Variants in CORO1A observed in about 807,000 individuals in gnomAD.
The protein encoded by CORO1A is coronin 1A.
CORO1A carries 17 observed loss-of-function variants against 44.1 expected under a neutral mutation model. The ratio of observed to expected loss-of-function variants is 0.39; its 90% confidence interval spans 0.26 to 0.58. CORO1A has a LOEUF of 0.58. Ranked by LOEUF, CORO1A falls within the 20% of genes least tolerant of loss-of-function variation. The pLI is 0.62. For missense variants in CORO1A, 415 were observed against 606.5 expected (o/e 0.68, Z 3.32); for synonymous variants, 271 against 244.2 (o/e 1.11, Z -1.02).
At position 30,186,930 on chromosome 16, in the gene CORO1A, G is replaced by A. The variant is rs957489816; in HGVS notation, c.436G>A (p.Val146Met). The A allele has an allele frequency of 9.3e-6, 15 of 1,612,640 alleles. No homozygotes were observed. Among genetic ancestry groups the A allele is most frequent in the East Asian group, 6.7e-5 (3 of 44,896 alleles). ...IVAWHTTAQN[V>M]LLSAGCDNVI... The stretch of plus-strand genomic sequence containing the variant: ...GGCCTGGCACACCACAGCCCAGAAC[G>A]TGCTGCTCAGTGCAGGTGCTGCGGG... Residue 146 changes from valine (V) to methionine (M), a missense_variant, in exon 4 of 11, where the codon GTG (valine) becomes ATG (methionine). Val to Met is a conservative substitution (Grantham distance 21). Coordinates refer to ENST00000219150, the MANE Select transcript of CORO1A (RefSeq NM_007074.4).
In CORO1A at chr16:30,184,579, G is replaced by A. The variant is rs560063164; in HGVS notation, c.-1-630G>A. ...CATGGGGGTGGAGATGGCTCTTAAG[G>A]GCACCTGCTTTTCTGAGCGGAGGCG... On this transcript the variant is annotated intron_variant, in intron 1 of 10. Coordinates refer to ENST00000219150, the MANE Select transcript of CORO1A (RefSeq NM_007074.4). This position sits in a 1 kb window ranked among gnomAD's most constrained non-coding sequence, Gnocchi z 4.3. 2 of 167,712 alleles carry A rather than the reference G, an allele frequency of 1.2e-5. No individual in the cohort carries two copies. Among genetic ancestry groups the A allele is most frequent in the African/African-American group, 4.8e-5 (2 of 41,562 alleles). The allele number at this position is 167,712 out of a possible 1,614,324, so 10.4% of individuals were successfully genotyped here. A position where few individuals can be genotyped will look rare whatever the true frequency, so the allele number is the denominator to read the frequency against.
In CORO1A at chr16:30,186,942, G is replaced by A; in HGVS notation, c.448G>A (p.Ala150Thr). 1.2e-6 allele frequency: 2 copies of A among 1,612,906 alleles called. No individual in the cohort carries two copies. Among genetic ancestry groups the A allele is most frequent in the Non-Finnish European group, 1.7e-6 (2 of 1,179,948 alleles). ...HTTAQNVLLS[A>T]GCDNVIMVWD... is the part of the protein sequence containing the mutation. ...CACAGCCCAGAACGTGCTGCTCAGT[G>A]CAGGTGCTGCGGGAGGAGGGGCTTG... The change falls in exon 4 of 11, where the codon GCA becomes ACA. Residue 150 changes from alanine to threonine, a missense_variant. By Grantham distance (58) the Ala-to-Thr change is moderately conservative (BLOSUM62 0). Coordinates refer to ENST00000219150, the MANE Select transcript of CORO1A (RefSeq NM_007074.4).
chr16:30,185,890 C>T (rs576736379), intron 2 of CORO1A: 8 of 216,192 alleles, frequency 3.7e-5, no homozygotes, highest in African/African-American at 9.2e-5. Context: ...CTGCCCCCTC[C>T]GCTGGCTGGC....
chr16:30,186,454 C>G, intron 2 of CORO1A, 144 bp from the exon 3 acceptor site: 2 of 957,986 alleles, frequency 2.1e-6, no homozygotes, highest in Non-Finnish European at 3.3e-6. Flanking sequence ...AGAAGAACAA[C>G]CCGCCCCCGT....
rs2073317096 is a variant in CORO1A at position 30,184,940 on chromosome 16, C to G, written c.-1-269C>G. On this transcript the variant is annotated intron_variant, in intron 1 of 10. Transcript: ENST00000219150. The surrounding 1 kb of genome is among the most constrained non-coding windows in gnomAD (Gnocchi z 4.3). ...AAACATGCAGTGGGGCAACACCACG[C>G]CAGGCTCTGTTGCAGAGGCTGAGGG... is the stretch of plus-strand genomic sequence containing the variant. 1.8e-6 allele frequency: 1 copy of G among 570,198 alleles called. No individual in the cohort carries two copies. Among genetic ancestry groups the G allele is most frequent in the Non-Finnish European group, 3.1e-6 (1 of 318,052 alleles). 35.3% of individuals were successfully genotyped at this position (570,198 alleles called of 1,614,324 possible).
chr16:30,188,467 C>G lies in CORO1A; in HGVS notation c.1172C>G (p.Ser391Cys). The change falls in exon 10 of 11, where the codon TCC becomes TGC. Residue 391 changes from serine to cysteine, a missense_variant. Around this residue, in one of 2 missense-constraint regions of CORO1A, gnomAD observed 90 missense variants for 84.7 expected, o/e 1.06. Transcript: ENST00000219150. Reference sequence around the variant, plus strand: ...CGGGATGCTGGGCCCCTCCTCATCTCCCTCAAGGATGGCTACGTACCCCCA... The same window carrying G: ...CGGGATGCTGGGCCCCTCCTCATCTGCCTCAAGGATGGCTACGTACCCCCA... The part of the protein sequence containing the change: ...GGRDAGPLLI[S>C]LKDGYVPPKS... 1 of 1,613,382 alleles carries G rather than the reference C, an allele frequency of 6.2e-7. No individual in the cohort carries two copies. Among genetic ancestry groups the G allele is most frequent in the Non-Finnish European group, 8.5e-7 (1 of 1,179,988 alleles).
At chr16:30,185,020 C>A in intron 1 of CORO1A, 189 bp from the exon 2 acceptor site, 1 of 655,686 alleles carries the variant, frequency 1.5e-6, no homozygotes, top group East Asian at 2.7e-5. Context: ...AGGGGGCTTG[C>A]AGGTTAGAGG....
Position 30,185,204 on chromosome 16 carries a change from C to T in CORO1A, c.-1-5C>T. 1.9e-6 allele frequency: 3 copies of T among 1,614,066 alleles called. No homozygotes were observed. Among genetic ancestry groups the T allele is most frequent in the Non-Finnish European group, 1.7e-6 (2 of 1,179,942 alleles). On this transcript the variant is annotated splice_polypyrimidine_tract_variant and splice_region_variant and intron_variant, in intron 1 of 10. Transcript: ENST00000219150. ...GAGAAATGCTCTTATGCTGTGTGCCCCCAGAATGAGCCGGCAGGTGGTCCG... is the reference window on the plus strand; with the variant it reads ...GAGAAATGCTCTTATGCTGTGTGCCTCCAGAATGAGCCGGCAGGTGGTCCG...
At position 30,187,479 on chromosome 16, in the gene CORO1A, G is replaced by A. The variant is rs1199044265; in HGVS notation, c.734G>A (p.Arg245Gln). 1.2e-6 allele frequency: 2 copies of A among 1,606,764 alleles called. No individual in the cohort carries two copies. The highest frequency in any genetic ancestry group is 1.7e-6 in the Non-Finnish European group (2 of 1,179,920). Residue 245 changes from arginine (R) to glutamine (Q), a missense_variant, in exon 6 of 11, where the codon CGG (arginine) becomes CAG (glutamine). Arg to Gln is a conservative substitution (Grantham distance 43). Around this residue, in one of 2 missense-constraint regions of CORO1A, gnomAD observed 325 missense variants for 521.7 expected, o/e 0.62. Transcript: ENST00000219150. The part of the protein sequence containing the change: ...LTTGFSRMSE[R>Q]QVALWDTKHL... ...ACGGGCTTCAGCCGCATGAGTGAGC[G>A]GCAGGTGGCGCTGTGGGACACAGTG...
chr16:30,186,956 A>C lies in CORO1A; in HGVS notation c.451+11A>C. ...TGCTGCTCAGTGCAGGTGCTGCGGG[A>C]GGAGGGGCTTGGGGGTGGCTCGTGG... On this transcript the variant is annotated intron_variant, in intron 4 of 10. Transcript: ENST00000219150. The C allele has an allele frequency of 6.2e-7, 1 of 1,612,798 alleles. No individual in the cohort carries two copies. Among genetic ancestry groups the C allele is most frequent in the Non-Finnish European group, 8.5e-7 (1 of 1,179,878 alleles).
At chr16:30,185,901 T>G in intron 2 of CORO1A, 1 of 216,338 alleles carries the variant, frequency 4.6e-6, no homozygotes, top group Non-Finnish European at 9.5e-6. Flanking sequence ...GCTGGCTGGC[T>G]GCTGCCCCGC....
chr16:30,185,023 G>A, intron 1 of CORO1A, 186 bp from the exon 2 acceptor site: 1 of 668,804 alleles, frequency 1.5e-6, no homozygotes, highest in Non-Finnish European at 2.7e-6. Flanking sequence ...GGGCTTGCAG[G>A]TTAGAGGGAA....
rs1488295958 is a variant in CORO1A, at chr16:30,186,871, C to T, written c.377C>T (p.Thr126Ile). 6.2e-7 allele frequency: 1 copy of T among 1,612,318 alleles called. No individual in the cohort carries two copies. The highest frequency in any genetic ancestry group is 8.5e-7 in the Non-Finnish European group (1 of 1,180,018). Residue 126 changes from threonine to isoleucine, a missense_variant, in exon 4 of 11, where the codon ACC (threonine) becomes ATC (isoleucine). Thr to Ile is a moderately conservative substitution (Grantham distance 89). Transcript: ENST00000219150. ...LMLPLREPVV[T>I]LEGHTKRVGI... ...CTGCCCCTGCGGGAGCCCGTCGTCA[C>T]CCTGGAGGGCCACACCAAGCGTGTG...
Position 30,186,710 on chromosome 16 carries a change from G to A in CORO1A, c.311G>A (p.Cys104Tyr). The change falls in exon 3 of 11, where the codon TGC becomes TAC. Residue 104 changes from cysteine to tyrosine, a missense_variant. Transcript: ENST00000219150. ...DNVIASGSEDCTVMVWEIPDG... is the reference protein window; with the variant it reads ...DNVIASGSEDYTVMVWEIPDG... ...GTCATTGCCAGTGGCTCCGAGGACT[G>A]CACAGTCATGGTGAGTGGTGGTGGG... 5 of 1,612,074 alleles carry A rather than the reference G, an allele frequency of 3.1e-6. No homozygotes were observed. The South Asian group carries it at 3.3e-5, about 11-fold the overall frequency.
rs766295899 is a variant in CORO1A, at chr16:30,185,380, G to A, written c.171G>A (p.Gly57=). 1.2e-6 allele frequency: 2 copies of A among 1,613,920 alleles called. No homozygotes were observed. Among genetic ancestry groups the A allele is most frequent in the South Asian group, 1.1e-5 (1 of 91,084 alleles). ...VALICEASGG[G]AFLVLPLGKT... ...TGATCTGTGAGGCCAGCGGGGGAGG[G>A]GCCTTCCTGGTGCTGCCCCTGGGCA... The change falls in exon 2 of 11, where the codon GGG becomes GGA. Residue 57 remains glycine, a synonymous_variant. Transcript: ENST00000219150.
At chr16:30,187,870 A>AG in intron 7 of CORO1A, 41 bp downstream of exon 7, 1 of 1,604,828 alleles carries the variant, frequency 6.2e-7, no homozygotes, top group Non-Finnish European at 8.5e-7. Flanking sequence ...GGTGGGCAGG[A>AG]TGGGCCTGGA....
intron 2 of CORO1A, 151 bp downstream of exon 2, chr16:30,185,558 A>G: frequency 1.5e-6 from 1 of 663,806 alleles, no homozygotes; most frequent in Non-Finnish European, 2.6e-6. Flanking sequence ...CACTTCCTCC[A>G]GCTCCTCTGT....
At chr16:30,188,815 G>A (rs1487492100) in intron 10 of CORO1A, 45 bp from the exon 11 acceptor site, 10 of 470,652 alleles carry the variant, frequency 2.1e-5, no homozygotes, top group Admixed American at 4.4e-5. Flanking sequence ...CTGGGGTAAG[G>A]GGAGCCAGGG....
intron 5 of CORO1A, 30 bp from the exon 6 acceptor site, chr16:30,187,352 G>T: frequency 6.2e-7 from 1 of 1,608,698 alleles, no homozygotes. Context: ...ATGTACGGGT[G>T]CCTGACCTAC....
Sources: allele counts gnomAD v4.1 joint callset, GRCh38; gene constraint gnomAD v4.1.1; regional missense constraint gnomAD v4.1.1; non-coding constraint Gnocchi (gnomAD v3.1); transcripts MANE v1.5; gene names NCBI Gene and HGNC (gene_info 2026-07-23, HGNC 2026-07-21).